Variants in ABLIM2 observed in about 807,000 individuals in gnomAD.
The protein encoded by ABLIM2 is actin binding LIM protein family member 2, also known as actin-binding LIM protein 2.
Under a neutral mutation model 97.7 loss-of-function variants are expected in ABLIM2, and 53 were observed. The ratio of observed to expected loss-of-function variants is 0.54; its 90% CI spans 0.44 to 0.68. ABLIM2 has a LOEUF of 0.68. Ranked by LOEUF, ABLIM2 falls within the 30% of genes least tolerant of loss-of-function variation. The pLI, the probability that ABLIM2 is intolerant of heterozygous loss-of-function variation, is 0.00. For missense variants in ABLIM2, 835 were observed against 867.2 expected (o/e 0.96, Z 0.47); for synonymous variants, 361 against 345.8 (o/e 1.04, Z -0.49).
At position 8,144,405 on chromosome 4, in the gene ABLIM2, G is replaced by A. The variant is rs566770696; in HGVS notation, c.10+14275C>T. On this transcript the variant is annotated intron_variant, in intron 1 of 20. Transcript: ENST00000447017. ...CCCTTATGCCCCAGGGCCGCCGCTG[G>A]GGGACTTGTTCTATTTGAAAGGCAA... is the stretch of plus-strand genomic sequence containing the variant. Among the ~76,000 whole-genome samples, 3 of 152,318 alleles carry A rather than the reference G, an allele frequency of 2.0e-5. No homozygotes were observed. In the East Asian group the frequency reaches 5.8e-4, roughly 29 times the overall value.
intron 2 of ABLIM2, among the ~76,000 whole-genome samples, chr4:8,098,327 A>G (rs1256138054): frequency 4.6e-5 from 7 of 152,228 alleles, no homozygotes; most frequent in African/African-American, 7.2e-5. Context: ...TAAACCTGAC[A>G]TCTAAAAGTT....
rs1048246446 is a variant in ABLIM2, at chr4:8,083,754, G to C, written c.455-2952C>G. 1.3e-5 allele frequency among the ~76,000 whole-genome samples: 2 copies of C among 152,228 alleles called. No homozygotes were observed. The highest frequency in any genetic ancestry group is 2.9e-5 in the Non-Finnish European group (2 of 68,042). Reference sequence around the variant, plus strand: ...TCAGCGGCAGGATGTCCCTAGCAGGGCAGAAGGGGCCCCAGGACCCCCCAA... The same window carrying C: ...TCAGCGGCAGGATGTCCCTAGCAGGCCAGAAGGGGCCCCAGGACCCCCCAA... On this transcript the variant is annotated intron_variant, in intron 4 of 20. Transcript: ENST00000447017. The surrounding 1 kb of genome is among the most constrained non-coding windows in gnomAD (Gnocchi z 4.6).
intron 1 of ABLIM2, among the ~76,000 whole-genome samples, chr4:8,129,381 G>A (rs903961899): frequency 3.3e-5 from 5 of 152,192 alleles, no homozygotes; most frequent in African/African-American, 7.2e-5. Context: ...CAGCTTGCGC[G>A]GCCCCTGCGC....
In ABLIM2 at chr4:8,124,540, G is replaced by A. The variant is rs1259182467; in HGVS notation, c.11-17903C>T. On this transcript the variant is annotated intron_variant, in intron 1 of 20. Transcript: ENST00000447017. This position sits in a 1 kb window ranked among gnomAD's most constrained non-coding sequence, Gnocchi z 6.1. ...CCTTCGCGACTGGCTTCTTTCACTC[G>A]GCGTCATGTTTTCAGGGAGTGTCCG... 6.6e-6 allele frequency among the ~76,000 whole-genome samples: 1 copy of A among 152,034 alleles called. No homozygotes were observed. The highest frequency in any genetic ancestry group is 1.5e-5 in the Non-Finnish European group (1 of 68,016).
intron 1 of ABLIM2, among the ~76,000 whole-genome samples, chr4:8,111,543 T>C (rs1164815815): frequency 6.6e-6 from 1 of 152,206 alleles, no homozygotes; most frequent in African/African-American, 2.4e-5. Context: ...GTGTTAATCA[T>C]AGGGAAGACG....
rs185797055 is a variant in ABLIM2 at position 8,041,031 on chromosome 4, G to A, written c.900+4133C>T. ...TCTCCCTTGTGTCAAACTAAGAGCC[G>A]GGAGACTGGATTAATTTGTTCGAGG... On this transcript the variant is annotated intron_variant, in intron 9 of 20. Transcript: ENST00000447017. 3.3e-3 allele frequency among the ~76,000 whole-genome samples: 499 copies of A among 152,344 alleles called. 1 individual carries two copies. Among genetic ancestry groups the A allele is most frequent in the African/African-American group, 0.011 (469 of 41,570 alleles).
rs1560406036 is a variant in ABLIM2, at chr4:7,983,337, G to A, written c.1751C>T (p.Pro584Leu). The A allele has an allele frequency of 1.9e-6, 3 of 1,611,842 alleles. No individual in the cohort carries two copies. Among genetic ancestry groups the A allele is most frequent in the African/African-American group, 2.7e-5 (2 of 74,986 alleles). Residue 584 changes from proline to leucine, a missense_variant, in exon 20 of 21, where the codon CCG becomes CTG. Physicochemically the swap from Pro to Leu is moderately conservative, Grantham distance 98. Coordinates refer to ENST00000447017, the MANE Select transcript of ABLIM2 (RefSeq NM_001130083.2). ...SWGMREYKIY[P>L]YDSLIVTNRI... ...GTTTGTGACGATGAGGGAGTCATAC[G>A]GATAGATCTGTTGGGGGAGGAAACC...
chr4:7,992,964 G>C lies in ABLIM2; in HGVS notation c.1619-37C>G, dbSNP rs375569090. 31 of 1,605,788 alleles carry C rather than the reference G, an allele frequency of 1.9e-5. No individual in the cohort carries two copies. Among genetic ancestry groups the C allele is most frequent in the African/African-American group, 1.5e-4 (11 of 74,760 alleles). On this transcript the variant is annotated intron_variant, in intron 16 of 20. Coordinates refer to ENST00000447017, the MANE Select transcript of ABLIM2 (RefSeq NM_001130083.2). This position sits in a 1 kb window ranked among gnomAD's most constrained non-coding sequence, Gnocchi z 5.7. ...ACAGCACAGCTTTGTCACGCGCGCA[G>C]ACTCGGTGCAGCAATGGGGGTGCAG...
At chr4:8,052,374 T>A (rs1428957214) in intron 8 of ABLIM2, among the ~76,000 whole-genome samples, 1 of 152,200 alleles carries the variant, frequency 6.6e-6, no homozygotes, top group Admixed American at 6.5e-5. Context: ...TGCTCATCCC[T>A]GAGACCCAGC....
intron 1 of ABLIM2, among the ~76,000 whole-genome samples, chr4:8,142,707 G>A (rs1479439109): frequency 3.3e-5 from 5 of 152,176 alleles, no homozygotes; most frequent in Non-Finnish European, 7.3e-5. Flanking sequence ...CTGAATCAGC[G>A]GCCTTGCCCT....
intron 2 of ABLIM2, among the ~76,000 whole-genome samples, chr4:8,097,559 C>A (rs1165433661): frequency 2.0e-5 from 3 of 152,212 alleles, no homozygotes; most frequent in Non-Finnish European, 4.4e-5. Flanking sequence ...TGAGGGGCTG[C>A]CCAGCCTCCC....
In ABLIM2 at chr4:8,032,724, G is replaced by T. The variant is rs1560788944; in HGVS notation, c.1048-2948C>A. On this transcript the variant is annotated intron_variant, in intron 10 of 20. Transcript: ENST00000447017. This position sits in a 1 kb window ranked among gnomAD's most constrained non-coding sequence, Gnocchi z 4.3. ...AAGTGGCCATTAGTGCTGGCGCCAGGCAGAGAGGGAGGAGGGCAGTTCCGT... is the reference window on the plus strand; with the variant it reads ...AAGTGGCCATTAGTGCTGGCGCCAGTCAGAGAGGGAGGAGGGCAGTTCCGT... 6 of 1,610,118 alleles carry T rather than the reference G, an allele frequency of 3.7e-6. No homozygotes were observed. The highest frequency in any genetic ancestry group is 5.1e-6 in the Non-Finnish European group (6 of 1,178,294).
chr4:8,030,461 G>T (rs1560766869), intron 10 of ABLIM2, among the ~76,000 whole-genome samples: 1 of 152,228 alleles, frequency 6.6e-6, no homozygotes, highest in East Asian at 1.9e-4. Context: ...GGTGGAGGTT[G>T]CAGTTTTGCC....
chr4:8,082,674 G>T lies in ABLIM2; in HGVS notation c.455-1872C>A, dbSNP rs1820688956. ...AGCAGATTCAAACTCTGAGGGAAAG[G>T]GGGGCCTCTTACTCATTTCAGGACC... On this transcript the variant is annotated intron_variant, in intron 4 of 20. Transcript: ENST00000447017. This position sits in a 1 kb window ranked among gnomAD's most constrained non-coding sequence, Gnocchi z 5.6. Among the ~76,000 whole-genome samples, 1 of 152,182 alleles carries T rather than the reference G, an allele frequency of 6.6e-6. No individual in the cohort carries two copies. The highest frequency in any genetic ancestry group is 1.5e-5 in the Non-Finnish European group (1 of 68,030).
Position 8,021,914 on chromosome 4 carries a change from C to G in ABLIM2, c.1268-1611G>C, listed in dbSNP as rs1430248579. On this transcript the variant is annotated intron_variant, in intron 12 of 20. Coordinates refer to ENST00000447017, the MANE Select transcript of ABLIM2 (RefSeq NM_001130083.2). The surrounding 1 kb of genome is among the most constrained non-coding windows in gnomAD (Gnocchi z 5.5). ...GAACCTTCTAGAGCCTCAGTTGGCTCTACAGGTGCCCTTGCTGGCCGTGGC... is the reference window on the plus strand; with the variant it reads ...GAACCTTCTAGAGCCTCAGTTGGCTGTACAGGTGCCCTTGCTGGCCGTGGC... Among the ~76,000 whole-genome samples, 4 of 152,198 alleles carry G rather than the reference C, an allele frequency of 2.6e-5. No individual in the cohort carries two copies.
At chr4:8,156,364 C>A (rs980734741) in intron 1 of ABLIM2, among the ~76,000 whole-genome samples, 1 of 152,208 alleles carries the variant, frequency 6.6e-6, no homozygotes, top group African/African-American at 2.4e-5. Flanking sequence ...GCAGGGGGCG[C>A]CCCACAGCTA....
chr4:8,091,317 A>G (rs1224999259), intron 3 of ABLIM2, among the ~76,000 whole-genome samples: 1 of 30,276 alleles, frequency 3.3e-5, no homozygotes, highest in Non-Finnish European at 5.4e-5. Context: ...ATATATATAT[A>G]ATTATATATA....
intron 18 of ABLIM2, 145 bp downstream of exon 18, chr4:7,984,694 G>T: frequency 1.2e-6 from 1 of 820,536 alleles, no homozygotes; most frequent in Non-Finnish European, 1.9e-6. Context: ...AGGGAAACCA[G>T]CACGCCCTCC....
At chr4:8,089,421 C>G (rs559370295) in intron 3 of ABLIM2, among the ~76,000 whole-genome samples, 3 of 152,284 alleles carry the variant, frequency 2.0e-5, no homozygotes, top group Admixed American at 2.0e-4. Flanking sequence ...GTGGAAGTGT[C>G]AGACCACGGG....
Sources: gnomAD v4.1 joint callset for allele counts (sites outside exome capture counted in the v4.1 genomes callset) on GRCh38, gnomAD v4.1.1 for gene constraint, Gnocchi (gnomAD v3.1) non-coding constraint, MANE v1.5 for transcripts, NCBI Gene and HGNC (gene_info 2026-07-23, HGNC 2026-07-21) for gene names.